The following NLRC5 variants were observed in gnomAD, a reference collection of about 807,000 sequenced individuals.
The protein encoded by NLRC5 is protein NLRC5.
A neutral mutation model predicts 206.9 loss-of-function variants in NLRC5; 114 were observed. That is an observed-to-expected ratio of 0.55 (90% CI 0.47 to 0.64). NLRC5 has a LOEUF of 0.64. Among genes scored for constraint, NLRC5 ranks in the 30% least tolerant of loss-of-function variants. NLRC5 has a pLI of 0.00. For synonymous variants in NLRC5, 952 were observed against 962.8 expected, an observed-to-expected ratio of 0.99 and a Z score of 0.21; for missense variants, 2,008 against 2,305.5, an observed-to-expected ratio of 0.87 and a Z score of 2.64.
chr16:57,035,192 A>G (rs1237495911), intron 13 of NLRC5, among the ~76,000 whole-genome samples: 2 of 152,118 alleles, frequency 1.3e-5, no homozygotes, highest in African/African-American at 4.8e-5. Flanking sequence ...TAGTCCCTCC[A>G]GATGGACCTA....
In NLRC5 at chr16:57,079,529, C is replaced by A; in HGVS notation, c.5238-17C>A. The A allele has an allele frequency of 6.2e-7, 1 of 1,610,532 alleles. No individual in the cohort carries two copies. Among genetic ancestry groups the A allele is most frequent in the South Asian group, 1.1e-5 (1 of 90,976 alleles). ...CAAACAACCCCCATCCCATCCCATG[C>A]CCTTCTCCATCCCCAGCCTGGTTTC... On this transcript the variant is annotated splice_polypyrimidine_tract_variant and intron_variant, in intron 45 of 48. Transcript: ENST00000688547.
At chr16:57,065,172 C>T (rs1597418383) in intron 32 of NLRC5, 40 bp from the exon 33 acceptor site, 3 of 1,380,004 alleles carry the variant, frequency 2.2e-6, no homozygotes, top group Middle Eastern at 1.9e-4. Flanking sequence ...GTCTGCTGCT[C>T]ACCTTGGGGG....
At chr16:57,065,443 C>T (rs559087868) in intron 33 of NLRC5, 145 bp downstream of exon 33, 1 of 470,258 alleles carries the variant, frequency 2.1e-6, no homozygotes, top group African/African-American at 2.0e-5. Context: ...GCTCCTGGGG[C>T]ATATGTGAGG....
At chr16:57,028,028 T>C (rs1346497802) in intron 6 of NLRC5, 44 bp from the exon 7 acceptor site, 1 of 1,431,326 alleles carries the variant, frequency 7.0e-7, no homozygotes, top group African/African-American at 1.4e-5. Context: ...TTCTCAGCTC[T>C]GCCCAGCACT....
chr16:57,055,038 G>C lies in NLRC5; in HGVS notation c.3603G>C (p.Leu1201=), dbSNP rs367876432. Residue 1201 remains leucine, a synonymous_variant, in exon 26 of 49, where the codon CTG becomes CTC. Coordinates refer to ENST00000688547, the MANE Select transcript of NLRC5 (RefSeq NM_001384950.1). ...PRVKKVDLRS[L]HHATLHFRSN... ...CAGGTCCTGTCTGATCCAGGTCCCT[G>C]CACCATGCAACTTTGCACTTCAGAT... 65 of 1,614,110 alleles carry C rather than the reference G, an allele frequency of 4.0e-5. 1 individual carries two copies. The South Asian group carries it at 5.6e-4, about 14-fold the overall frequency.
chr16:57,023,956 C>G, intron 5 of NLRC5, 103 bp downstream of exon 5: 3 of 1,024,832 alleles, frequency 2.9e-6, no homozygotes, highest in South Asian at 2.9e-5. Context: ...CCTCCAGAGG[C>G]CCAGTGACTC....
At chr16:57,033,879 C>T (rs866787310) in intron 12 of NLRC5, among the ~76,000 whole-genome samples, 3 of 152,168 alleles carry the variant, frequency 2.0e-5, no homozygotes, top group Non-Finnish European at 4.4e-5. Context: ...TTAATGGAAC[C>T]GGCTATCTAT....
Position 57,076,799 on chromosome 16 carries a change from T to C in NLRC5, c.4752-20T>C. 1.2e-6 allele frequency: 2 copies of C among 1,613,026 alleles called. No homozygotes were observed. The highest frequency in any genetic ancestry group is 1.7e-6 in the Non-Finnish European group (2 of 1,179,032). On this transcript the variant is annotated intron_variant, in intron 39 of 48. Transcript: ENST00000688547. ...CTTTAAGCTCCTGAAAGCCTCTTGG[T>C]CTATTCCCTGCTTTTCCAGACTGAA...
At chr16:57,000,304 G>C (rs2058098287) in intron 1 of NLRC5, among the ~76,000 whole-genome samples, 1 of 152,182 alleles carries the variant, frequency 6.6e-6, no homozygotes, top group African/African-American at 2.4e-5. Flanking sequence ...CATCTGGAAA[G>C]CTTGGGGGCT....
chr16:57,006,505 C>T (rs905912576), intron 1 of NLRC5, among the ~76,000 whole-genome samples: 6 of 149,694 alleles, frequency 4.0e-5, no homozygotes, highest in Admixed American at 1.3e-4. Context: ...CTCAACCTCC[C>T]GGGCTCAAGT....
chr16:57,074,542 C>A, intron 38 of NLRC5, 58 bp from the exon 39 acceptor site: 2 of 1,504,552 alleles, frequency 1.3e-6, no homozygotes, highest in South Asian at 1.1e-5. Flanking sequence ...CTCAGACCCC[C>A]AGACTGGACA....
chr16:57,078,164 C>T (rs1480953139), intron 43 of NLRC5, 144 bp downstream of exon 43: 1 of 614,106 alleles, frequency 1.6e-6, no homozygotes, highest in African/African-American at 1.9e-5. Context: ...CTGTTCCTTC[C>T]CTGCCTCTGA....
chr16:57,041,425 C>T (rs945190445), intron 17 of NLRC5, 60 bp from the exon 18 acceptor site: 55 of 1,428,402 alleles, frequency 3.9e-5, no homozygotes, highest in Admixed American at 8.8e-5. Flanking sequence ...GGTGGGAAAG[C>T]GGCTCCTTCC....
Position 57,025,350 on chromosome 16 carries a change from T to C in NLRC5, c.425-18T>C, listed in dbSNP as rs766037429. 1.3e-5 allele frequency: 19 copies of C among 1,518,786 alleles called. No homozygotes were observed. The highest frequency in any genetic ancestry group is 1.6e-5 in the Non-Finnish European group (18 of 1,134,524). 94.1% of individuals were successfully genotyped at this position (1,518,786 alleles called of 1,614,324 possible). On this transcript the variant is annotated intron_variant, in intron 5 of 48. Transcript: ENST00000688547. ...GCCGGGGGGTCCTCTCCTCATGCCA[T>C]GTCCCTGCCCCTTGCAGAGTTGGCC...
intron 29 of NLRC5, 84 bp from the exon 30 acceptor site, chr16:57,059,383 C>T: frequency 6.5e-7 from 1 of 1,539,142 alleles, no homozygotes; most frequent in Non-Finnish European, 8.8e-7. Flanking sequence ...CCCCGCTTCC[C>T]TCTCTGTGCC....
At chr16:57,031,087 G>A (rs558406606) in intron 10 of NLRC5, among the ~76,000 whole-genome samples, 1 of 151,732 alleles carries the variant, frequency 6.6e-6, no homozygotes, top group South Asian at 2.1e-4. Flanking sequence ...GTAGCAGAGT[G>A]AGATCTCCAT....
intron 14 of NLRC5, 103 bp downstream of exon 14, chr16:57,036,286 C>G (rs2062566714): frequency 1.9e-6 from 2 of 1,055,132 alleles, no homozygotes; most frequent in Non-Finnish European, 2.8e-6. Context: ...CCACTGCCAC[C>G]CCTGCTTCCT....
intron 1 of NLRC5, among the ~76,000 whole-genome samples, chr16:56,993,496 T>C (rs1234297626): frequency 6.6e-6 from 1 of 152,204 alleles, no homozygotes; most frequent in Non-Finnish European, 1.5e-5. Context: ...GGAGTGGATT[T>C]GCAAGGTCAA....
Position 57,049,678 on chromosome 16 carries a change from G to A in NLRC5, c.3423-1860G>A, listed in dbSNP as rs925584753. Among the ~76,000 whole-genome samples, 3 of 151,754 alleles carry A rather than the reference G, an allele frequency of 2.0e-5. No homozygotes were observed. The South Asian group carries it at 6.2e-4, about 32-fold the overall frequency. ...GAACCCGGGAGGCAGAGATTGTGGT[G>A]AGCCAAGACTGCGCCACTGTCCTCC... On this transcript the variant is annotated intron_variant, in intron 23 of 48. Transcript: ENST00000688547.
Sources: allele counts gnomAD v4.1 joint callset (sites outside exome capture counted in the v4.1 genomes callset), GRCh38; gene constraint gnomAD v4.1.1; transcripts MANE v1.5; gene names NCBI Gene and HGNC (gene_info 2026-07-23, HGNC 2026-07-21).